DPP6: variants seen among roughly 807,000 people sequenced by gnomAD.
DPP6 encodes dipeptidyl peptidase like 6, also known as A-type potassium channel modulatory protein DPP6.
DPP6 carries 69 observed loss-of-function variants against 122.6 expected under a neutral mutation model. The observed-to-expected ratio is 0.56, with a 90% CI of 0.46 to 0.69. The LOEUF (loss-of-function observed/expected upper bound fraction) is 0.69. DPP6 is among the 30% of genes least tolerant of loss of function. The pLI, the probability that DPP6 is intolerant of heterozygous loss-of-function variation, is 0.00. For synonymous variants in DPP6, 418 were observed against 433.1 expected (o/e 0.97, Z 0.43); for missense variants, 928 against 1,116.9 (o/e 0.83, Z 2.41).
At chr7:154,684,167 C>G (rs1839454773) in intron 7 of DPP6, among the ~76,000 whole-genome samples, 1 of 152,132 alleles carries the variant, frequency 6.6e-6, no homozygotes, top group African/African-American at 2.4e-5. Context: ...CTGTGCCCAG[C>G]CCAGGACACA....
Position 154,183,447 on chromosome 7 carries a change from A to G in DPP6, c.243+130384A>G, listed in dbSNP as rs191509050. Among the ~76,000 whole-genome samples, 490 of 152,324 alleles carry G rather than the reference A, an allele frequency of 3.2e-3. 1 individual carries two copies. Among genetic ancestry groups the G allele is most frequent in the Non-Finnish European group, 5.4e-3 (365 of 68,026 alleles). ...TTTTTAAAAGGTCTGCATGTGAACT[A>G]AACACTCTAAATATGTCCAGTCCCT... On this transcript the variant is annotated intron_variant, in intron 1 of 25. Transcript: ENST00000377770.
In DPP6 at chr7:153,928,898, C is replaced by T. The variant is rs889089188; in HGVS notation, c.51+41164C>T. Among the ~76,000 whole-genome samples the T allele has an allele frequency of 2.6e-5, 4 of 152,166 alleles. No individual in the cohort carries two copies. In the South Asian group the frequency reaches 6.2e-4, roughly 24 times the overall value. On this transcript the variant is annotated intron_variant, in intron 1 of 25. Transcript: ENST00000404039. ...AAGAGTCCATGCCGAGGGAGCAACT[C>T]GTGTGGAGACCCTGGACGGGAAGTC...
chr7:154,178,306 G>GA (rs1797906698), intron 1 of DPP6, among the ~76,000 whole-genome samples: 1 of 151,444 alleles, frequency 6.6e-6, no homozygotes, highest in South Asian at 2.1e-4. Flanking sequence ...AACAAACTCT[G>GA]AAATAACCAA....
At chr7:154,499,369 C>T (rs924188509) in intron 3 of DPP6, among the ~76,000 whole-genome samples, 1 of 152,132 alleles carries the variant, frequency 6.6e-6, no homozygotes, top group Non-Finnish European at 1.5e-5. Flanking sequence ...CTGCAGCAGC[C>T]CATTCCCAAA....
At chr7:154,667,810 A>G (rs2131091906) in intron 6 of DPP6, among the ~76,000 whole-genome samples, 1 of 152,178 alleles carries the variant, frequency 6.6e-6, no homozygotes, top group South Asian at 2.1e-4. Context: ...TCTTCCGATC[A>G]CTGGGCAGCT....
intron 7 of DPP6, among the ~76,000 whole-genome samples, chr7:154,692,681 C>T (rs57988022): frequency 0.19 from 28,212 of 152,042 alleles, 3,935 homozygotes; most frequent in African/African-American, 0.39. Flanking sequence ...TAGAGACCCA[C>T]TCACCTCATT....
At chr7:154,636,519 G>C (rs552937769) in intron 5 of DPP6, among the ~76,000 whole-genome samples, 1 of 152,208 alleles carries the variant, frequency 6.6e-6, no homozygotes, top group African/African-American at 2.4e-5. Flanking sequence ...GTTAGTGGCT[G>C]TTTCTTTATG....
At position 154,760,627 on chromosome 7, in the gene DPP6, G is replaced by A. The variant is rs79252527; in HGVS notation, c.884-8790G>A. On this transcript the variant is annotated intron_variant, in intron 8 of 25. Transcript: ENST00000377770. The surrounding 1 kb of genome is among the most constrained non-coding windows in gnomAD (Gnocchi z 4.5). ...AGCAACTGAGTGGGTGGATGACCCA[G>A]TCGATTAACAAATGAGTGAGAAACG... 0.019 allele frequency among the ~76,000 whole-genome samples: 2,841 copies of A among 152,194 alleles called. 90 individuals carry two copies. Among genetic ancestry groups the A allele is most frequent in the African/African-American group, 0.063 (2,632 of 41,492 alleles).
rs796798929 is a variant in DPP6 at position 154,241,219 on chromosome 7, G to GTATA, written c.243+188165_243+188168dup. Reference sequence around the variant, plus strand: ...TGTGTGTGTGTGTGTGTGTGTGTGTGTATATATATATAGAGAGAGAGAGAG... The same window carrying GTATA: ...TGTGTGTGTGTGTGTGTGTGTGTGTGTATATATATATATATAGAGAGAGAGAGAG... On this transcript the variant is annotated intron_variant, in intron 1 of 25. Coordinates refer to ENST00000377770, the MANE Select transcript of DPP6 (RefSeq NM_130797.4). This position sits in a 1 kb window ranked among gnomAD's most constrained non-coding sequence, Gnocchi z 9.0. Among the ~76,000 whole-genome samples, 1,492 of 142,816 alleles carry GTATA rather than the reference G, an allele frequency of 0.01. 36 individuals are homozygous for GTATA. Among genetic ancestry groups the GTATA allele is most frequent in the African/African-American group, 0.042 (1,441 of 34,634 alleles). 93.7% of individuals were successfully genotyped at this position (142,816 alleles called of 152,430 possible). A position where few individuals can be genotyped will look rare whatever the true frequency, so the allele number is the denominator to read the frequency against.
intron 10 of DPP6, among the ~76,000 whole-genome samples, chr7:154,784,314 G>A (rs546861505): frequency 8.5e-5 from 13 of 152,158 alleles, no homozygotes; most frequent in Middle Eastern, 6.8e-3. Context: ...CCAGCTGTGC[G>A]GACACTTGCC....
At chr7:154,504,145 G>A (rs1342120719) in intron 3 of DPP6, among the ~76,000 whole-genome samples, 2 of 152,028 alleles carry the variant, frequency 1.3e-5, no homozygotes, top group African/African-American at 4.8e-5. Context: ...AGCATTTTAT[G>A]AAACAGTGCC....
At chr7:154,379,456 A>G (rs1239591007) in intron 1 of DPP6, among the ~76,000 whole-genome samples, 1 of 152,128 alleles carries the variant, frequency 6.6e-6, no homozygotes, top group East Asian at 1.9e-4. Context: ...ATGTATACAT[A>G]TGTATCAAAC....
rs71182879 is a variant in DPP6, at chr7:154,127,597, T to TCACACACACACA, written c.243+74559_243+74570dup. 4.0e-3 allele frequency among the ~76,000 whole-genome samples: 552 copies of TCACACACACACA among 136,674 alleles called. 4 individuals are homozygous for TCACACACACACA. The highest frequency in any genetic ancestry group is 0.016 in the African/African-American group (508 of 32,484). The allele number at this position is 136,674 out of a possible 152,430, so 89.7% of individuals were successfully genotyped here. A position where few individuals can be genotyped will look rare whatever the true frequency, so the allele number is the denominator to read the frequency against. On this transcript the variant is annotated intron_variant, in intron 1 of 25. Transcript: ENST00000377770. ...AGTTGGGGTAAACAGGAGCAGCATC[T>TCACACACACACA]CACACACACACACACACACACACAC...
intron 7 of DPP6, among the ~76,000 whole-genome samples, chr7:154,698,937 C>T (rs1439572646): frequency 1.3e-5 from 2 of 152,068 alleles, no homozygotes; most frequent in Non-Finnish European, 2.9e-5. Flanking sequence ...CAGAGGACTC[C>T]AAAACCTGGA....
At chr7:154,384,004 G>A (rs544868861) in intron 1 of DPP6, among the ~76,000 whole-genome samples, 2 of 152,034 alleles carry the variant, frequency 1.3e-5, no homozygotes, top group East Asian at 3.9e-4. Context: ...CCAGCATCAC[G>A]GTGATGGCCT....
At chr7:154,609,741 C>T (rs1363788766) in intron 5 of DPP6, among the ~76,000 whole-genome samples, 1 of 152,198 alleles carries the variant, frequency 6.6e-6, no homozygotes, top group Non-Finnish European at 1.5e-5. Context: ...ATGTGTGCAC[C>T]TGGCCTCTTT....
At chr7:154,196,576 C>T (rs554136673) in intron 1 of DPP6, among the ~76,000 whole-genome samples, 9 of 152,350 alleles carry the variant, frequency 5.9e-5, no homozygotes, top group Non-Finnish European at 1.2e-4. Context: ...ACTCATCCTA[C>T]TTTCATGGAG....
chr7:154,516,652 C>G (rs1171684740), intron 3 of DPP6, among the ~76,000 whole-genome samples: 1 of 152,044 alleles, frequency 6.6e-6, no homozygotes, highest in Non-Finnish European at 1.5e-5. Context: ...AGACTCAGGA[C>G]TGGGATGAGA....
chr7:154,364,621 C>T (rs1039790552), intron 1 of DPP6, among the ~76,000 whole-genome samples: 1 of 152,170 alleles, frequency 6.6e-6, no homozygotes, highest in Non-Finnish European at 1.5e-5. Flanking sequence ...AGTCGCAGTA[C>T]CTTAGTCACA....
Sources: gnomAD v4.1 joint callset for allele counts (sites outside exome capture counted in the v4.1 genomes callset) on GRCh38, gnomAD v4.1.1 for gene constraint, Gnocchi (gnomAD v3.1) non-coding constraint, MANE v1.5 for transcripts, NCBI Gene and HGNC (gene_info 2026-07-23, HGNC 2026-07-21) for gene names.